GRM7: variants seen among roughly 807,000 people sequenced by gnomAD.
GRM7 encodes metabotropic glutamate receptor 7.
GRM7 carries 35 observed loss-of-function variants against 84.5 expected under a neutral mutation model. That is an observed-to-expected ratio of 0.41 (90% CI 0.32 to 0.55). The LOEUF is 0.55. Ranked by LOEUF, GRM7 falls within the 20% of genes least tolerant of loss-of-function variation. The pLI is 0.19. For missense variants in GRM7, 1,003 were observed against 1,194.6 expected, an observed-to-expected ratio of 0.84 and a Z score of 2.36; for synonymous variants, 487 against 455.1, an observed-to-expected ratio of 1.07 and a Z score of -0.89.
chr3:7,020,196 G>A (rs527999868), intron 1 of GRM7, among the ~76,000 whole-genome samples: 2 of 152,286 alleles, frequency 1.3e-5, no homozygotes, highest in South Asian at 4.2e-4. Context: ...TACCCTATAG[G>A]ATAATATGTT....
chr3:7,542,627 A>C (rs1208655565), intron 7 of GRM7, among the ~76,000 whole-genome samples: 1 of 149,926 alleles, frequency 6.7e-6, no homozygotes, highest in Non-Finnish European at 1.5e-5. Flanking sequence ...GGCTCACTGC[A>C]AACTTCACCT....
At chr3:7,226,431 A>T (rs952019320) in intron 2 of GRM7, among the ~76,000 whole-genome samples, 1 of 152,160 alleles carries the variant, frequency 6.6e-6, no homozygotes, top group African/African-American at 2.4e-5. Flanking sequence ...AGAGGCCCCG[A>T]CAGTTCCCTA....
intron 7 of GRM7, among the ~76,000 whole-genome samples, chr3:7,552,302 G>T (rs1693514882): frequency 6.6e-6 from 1 of 152,206 alleles, no homozygotes; most frequent in South Asian, 2.1e-4. Flanking sequence ...CCCACTCCTG[G>T]TTGCTTTCAT....
chr3:7,287,498 G>A (rs1699471454), intron 2 of GRM7, among the ~76,000 whole-genome samples: 1 of 152,090 alleles, frequency 6.6e-6, no homozygotes, highest in African/African-American at 2.4e-5. Context: ...TGATCCCAGA[G>A]GTGAAGAATG....
chr3:7,292,734 A>C (rs1439362015), intron 2 of GRM7, among the ~76,000 whole-genome samples: 1 of 151,632 alleles, frequency 6.6e-6, no homozygotes, highest in Non-Finnish European at 1.5e-5. Flanking sequence ...TTTAAAAAAA[A>C]AAACAAACCA....
chr3:7,315,095 GAAAACAAAACAACAACA>G (rs1700537235), intron 4 of GRM7, among the ~76,000 whole-genome samples: 1 of 151,828 alleles, frequency 6.6e-6, no homozygotes, highest in Non-Finnish European at 1.5e-5. Flanking sequence ...CTATTAGAAA[GAAAACAAAACAACAACA>G]AAAACAAAAC....
At chr3:7,395,177 A>G (rs1695160734) in intron 4 of GRM7, among the ~76,000 whole-genome samples, 1 of 152,148 alleles carries the variant, frequency 6.6e-6, no homozygotes, top group South Asian at 2.1e-4. Flanking sequence ...TCCAAAATAG[A>G]CTTTGAACAG....
At chr3:7,039,958 T>C (rs543466088) in intron 1 of GRM7, among the ~76,000 whole-genome samples, 2 of 152,322 alleles carry the variant, frequency 1.3e-5, no homozygotes, top group Non-Finnish European at 2.9e-5. Flanking sequence ...AGTTCAGAAC[T>C]GTATCTTTTG....
chr3:7,481,209 G>A (rs528837915), intron 7 of GRM7, among the ~76,000 whole-genome samples: 83 of 152,126 alleles, frequency 5.5e-4, no homozygotes, highest in Middle Eastern at 3.4e-3. Context: ...CTCTCAAGTA[G>A]CTGGGACTAC....
At chr3:7,543,550 AC>A (rs1260322327) in intron 7 of GRM7, among the ~76,000 whole-genome samples, 1 of 152,242 alleles carries the variant, frequency 6.6e-6, no homozygotes, top group Admixed American at 6.5e-5. Context: ...CAATTCTGCC[AC>A]CAGGCTGCAG....
intron 1 of GRM7, among the ~76,000 whole-genome samples, chr3:6,889,568 C>T (rs1314003670): frequency 1.3e-5 from 2 of 152,148 alleles, no homozygotes; most frequent in East Asian, 3.9e-4. Flanking sequence ...AGCCTTGCAT[C>T]CCAGGGATGA....
At chr3:7,647,624 T>C (rs1038352108) in intron 8 of GRM7, among the ~76,000 whole-genome samples, 3 of 152,150 alleles carry the variant, frequency 2.0e-5, no homozygotes, top group African/African-American at 7.2e-5. Context: ...CTCTGAATTA[T>C]AGAGGGGACA....
Position 7,298,720 on chromosome 3 carries a change from A to G in GRM7, c.773A>G (p.Gln258Arg). ...ATTGCCCAGTCCGTGAGAATCCCCCAGGAACGCAAAGACAGGACCATTGAC... is the reference window on the plus strand; with the variant it reads ...ATTGCCCAGTCCGTGAGAATCCCCCGGGAACGCAAAGACAGGACCATTGAC... ...LCIAQSVRIP[Q>R]ERKDRTIDFD... Residue 258 changes from glutamine (Q) to arginine (R), a missense_variant, in exon 3 of 10, where the codon CAG becomes CGG. Gln to Arg is a conservative substitution (Grantham distance 43). Around this residue, in one of 2 missense-constraint regions of GRM7, gnomAD observed 910 missense variants for 1,126.0 expected, o/e 0.81. Coordinates refer to ENST00000357716, the MANE Select transcript of GRM7 (RefSeq NM_000844.4). 1.2e-6 allele frequency: 2 copies of G among 1,613,466 alleles called. No homozygotes were observed. Among genetic ancestry groups the G allele is most frequent in the Non-Finnish European group, 1.7e-6 (2 of 1,179,420 alleles).
intron 1 of GRM7, among the ~76,000 whole-genome samples, chr3:7,002,335 G>A (rs574457548): frequency 2.0e-5 from 3 of 152,102 alleles, no homozygotes; most frequent in Non-Finnish European, 4.4e-5. Flanking sequence ...CAGGATAACC[G>A]TAGGGCTTCT....
At chr3:7,550,577 CTGTGTGTGTGTGTGTGTGTG>C (rs369817211) in intron 7 of GRM7, among the ~76,000 whole-genome samples, 2 of 52,978 alleles carry the variant, frequency 3.8e-5, no homozygotes, top group African/African-American at 1.3e-4. Context: ...CTCTCTCTCT[CTGTGTGTGTGTGTGTGTGTG>C]TGTGTGTGTG....
At chr3:7,448,751 C>T (rs975222612) in intron 5 of GRM7, among the ~76,000 whole-genome samples, 1 of 151,996 alleles carries the variant, frequency 6.6e-6, no homozygotes, top group Non-Finnish European at 1.5e-5. Context: ...CCTGGAGACT[C>T]TCTGAGAGAG....
intron 7 of GRM7, chr3:7,559,393 C>T (rs1024546684): frequency 2.6e-5 from 4 of 152,044 alleles, no homozygotes; most frequent in African/African-American, 9.7e-5. Flanking sequence ...ATTGCTGCCT[C>T]TAGGGTGGCC....
intron 2 of GRM7, among the ~76,000 whole-genome samples, chr3:7,165,662 T>A (rs1451968914): frequency 6.6e-6 from 1 of 152,234 alleles, no homozygotes; most frequent in Admixed American, 6.5e-5. Flanking sequence ...AAATACTTAC[T>A]ATCATGACAT....
intron 2 of GRM7, among the ~76,000 whole-genome samples, chr3:7,177,033 CAT>C (rs1276967498): frequency 1.3e-5 from 2 of 152,214 alleles, no homozygotes; most frequent in Non-Finnish European, 2.9e-5. Flanking sequence ...AGTCTTTTCA[CAT>C]AGACTCCAAA....
Sources: gnomAD v4.1 joint callset for allele counts (sites outside exome capture counted in the v4.1 genomes callset) on GRCh38, gnomAD v4.1.1 for gene constraint, gnomAD v4.1.1 regional missense constraint, MANE v1.5 for transcripts, NCBI Gene and HGNC (gene_info 2026-07-23, HGNC 2026-07-21) for gene names.